Variants in METTL27 observed in about 807,000 individuals in gnomAD.
The protein encoded by METTL27 is methyltransferase-like protein 27.
A neutral mutation model predicts 24.5 loss-of-function variants in METTL27; 29 were observed. The ratio of observed to expected loss-of-function variants is 1.18; its 90% confidence interval spans 0.88 to 1.61. METTL27 has a LOEUF of 1.61. Ranked by LOEUF, METTL27 falls within the 40% of genes most tolerant of loss-of-function variation. METTL27 has a pLI of 0.00. For missense variants in METTL27, 341 were observed against 324.3 expected, an observed-to-expected ratio of 1.05 and a Z score of -0.40; for synonymous variants, 138 against 146.8, an observed-to-expected ratio of 0.94 and a Z score of 0.43.
At chr7:73,841,985 G>C (rs1788373012) in intron 2 of METTL27, 33 bp downstream of exon 2, 5 of 1,613,834 alleles carry the variant, frequency 3.1e-6, no homozygotes, top group African/African-American at 1.3e-5. Flanking sequence ...ATGGAGGCTG[G>C]TCTAGTGGAG....
chr7:73,842,342 G>T (rs1788389698), intron 1 of METTL27, 148 bp downstream of exon 1: 2 of 837,856 alleles, frequency 2.4e-6, no homozygotes, highest in South Asian at 4.6e-5. Flanking sequence ...CTGCAGGGCT[G>T]GGGGAAGGGC....
At position 73,842,448 on chromosome 7, in the gene METTL27, C is replaced by A. The variant is rs565926698; in HGVS notation, c.-5+42G>T. ...GAGAGGGTCGGAGGTGGGCGACATC[C>A]GGAGCGAAACGGTCTCGAAGGAGGC... On this transcript the variant is annotated intron_variant, in intron 1 of 5. Transcript: ENST00000297873. 1.6e-4 allele frequency: 55 copies of A among 345,930 alleles called. No homozygotes were observed. The East Asian group carries it at 3.1e-3, about 19-fold the overall frequency. The allele number at this position is 345,930 out of a possible 1,614,324, so 21.4% of individuals were successfully genotyped here. A position where few individuals can be genotyped will look rare whatever the true frequency, so the allele number is the denominator to read the frequency against.
intron 5 of METTL27, among the ~76,000 whole-genome samples, chr7:73,835,311 T>C: frequency 6.9e-6 from 1 of 143,922 alleles, no homozygotes; most frequent in Non-Finnish European, 1.5e-5. Flanking sequence ...CTCGGCTCAC[T>C]GCAACCTCCC....
chr7:73,840,746 A>G (rs782436222), intron 3 of METTL27, among the ~76,000 whole-genome samples, 197 bp from the exon 4 acceptor site: 1 of 151,956 alleles, frequency 6.6e-6, no homozygotes, highest in Non-Finnish European at 1.5e-5. Context: ...GCAGCCTTGA[A>G]CTTCCGGGCT....
At chr7:73,840,141 G>GAAAAGGAGGC in intron 4 of METTL27, 21 bp from the exon 5 acceptor site, 1 of 1,412,382 alleles carries the variant, frequency 7.1e-7, no homozygotes. Context: ...GTGGGGGGGG[G>GAAAAGGAGGC]TGGGGACATG....
chr7:73,839,206 C>G (rs1364999035), intron 5 of METTL27, among the ~76,000 whole-genome samples: 3 of 152,178 alleles, frequency 2.0e-5, no homozygotes, highest in African/African-American at 7.2e-5. Context: ...TCTCTTGAAC[C>G]TGGGAGGTGA....
intron 5 of METTL27, among the ~76,000 whole-genome samples, chr7:73,839,147 G>A (rs1477150402): frequency 6.6e-6 from 1 of 152,218 alleles, no homozygotes; most frequent in African/African-American, 2.4e-5. Context: ...GCTGGGTGTG[G>A]TGGTGGGCTC....
intron 2 of METTL27, 50 bp from the exon 3 acceptor site, chr7:73,841,248 G>T (rs1442154060): frequency 6.5e-7 from 1 of 1,537,964 alleles, no homozygotes; most frequent in Non-Finnish European, 8.7e-7. Flanking sequence ...GTGTTTGGGG[G>T]ATCTCCCTTA....
intron 2 of METTL27, 82 bp downstream of exon 2, chr7:73,841,936 C>T: frequency 6.2e-7 from 1 of 1,608,684 alleles, no homozygotes; most frequent in Non-Finnish European, 8.5e-7. Flanking sequence ...ACAGCCGCCC[C>T]CGGGTGCAAG....
Position 73,841,176 on chromosome 7 carries a change from C to G in METTL27, c.146G>C (p.Arg49Pro), listed in dbSNP as rs782806041. Residue 49 changes from arginine (R) to proline (P), a missense_variant, in exon 3 of 6, where the codon CGT becomes CCT. Coordinates refer to ENST00000297873, the MANE Select transcript of METTL27 (RefSeq NM_152559.3). ...YDQDVATLLY[R>P]APRLAVDCLT... ...GCAGTCCACTGCGAGGCGGGGCGCA[C>G]GGTACAGCAGGGTGGCCACATCCTG... 3 of 1,553,844 alleles carry G rather than the reference C, an allele frequency of 1.9e-6. No homozygotes were observed. The highest frequency in any genetic ancestry group is 2.6e-6 in the Non-Finnish European group (3 of 1,158,310).
intron 4 of METTL27, 84 bp from the exon 5 acceptor site, chr7:73,840,204 G>T: frequency 6.6e-7 from 1 of 1,503,782 alleles, no homozygotes; most frequent in South Asian, 1.3e-5. Flanking sequence ...ACCACCCTAG[G>T]GGTGGGACGA....
At chr7:73,836,516 A>T (rs565476981) in intron 5 of METTL27, among the ~76,000 whole-genome samples, 19 of 54,294 alleles carry the variant, frequency 3.5e-4, no homozygotes, top group African/African-American at 7.6e-4. Context: ...CAGCCGCCCC[A>T]TCCGGGAGGG....
Position 73,842,114 on chromosome 7 carries a change from C to T in METTL27, c.27G>A (p.Leu9=). The T allele has an allele frequency of 6.2e-7, 1 of 1,612,824 alleles. No individual in the cohort carries two copies. The highest frequency in any genetic ancestry group is 8.5e-7 in the Non-Finnish European group (1 of 1,179,862). Residue 9 remains leucine, a synonymous_variant, in exon 2 of 6, where the codon CTG becomes CTA. Transcript: ENST00000297873. The part of the protein sequence containing the change: MAQEEGGS[L]PEVRARVRAA... ...CCCTGACCCGCGCCCGCACCTCGGG[C>T]AGGCTCCCACCCTCCTCCTGGGCCA...
chr7:73,835,503 G>C (rs868950496), intron 5 of METTL27, among the ~76,000 whole-genome samples: 14,585 of 85,578 alleles, frequency 0.17, no homozygotes, highest in Non-Finnish European at 0.23. Flanking sequence ...ATGGAGTCTC[G>C]TTCACTCAGT....
chr7:73,841,254 C>T, intron 2 of METTL27, 56 bp from the exon 3 acceptor site: 1 of 1,528,254 alleles, frequency 6.5e-7, no homozygotes, highest in Non-Finnish European at 8.7e-7. Flanking sequence ...GGGGGATCTC[C>T]CTTATGGGGT....
chr7:73,836,545 C>T (rs1195374991), intron 5 of METTL27, among the ~76,000 whole-genome samples: 1 of 33,146 alleles, frequency 3.0e-5, no homozygotes. Context: ...GGGTCAGCCC[C>T]CTGCCCGGCC....
At chr7:73,842,197 TC>T in intron 1 of METTL27, 53 bp from the exon 2 acceptor site, 1 of 1,556,070 alleles carries the variant, frequency 6.4e-7, no homozygotes. Flanking sequence ...GCCCATCCCC[TC>T]CTTTCCCCCT....
At position 73,840,108 on chromosome 7, in the gene METTL27, G is replaced by A. The variant is rs980702144; in HGVS notation, c.401C>T (p.Ala134Val). ...ACTGAGGGCACCGACTATCAGCACC[G>A]CGTCGAAGGTCCCTGTGTGTGTGTG... Reference protein sequence around the residue: ...PLPSPEGTFDAVLIVGALSDG... With the variant: ...PLPSPEGTFDVVLIVGALSDG... Residue 134 changes from alanine (A) to valine (V), a missense_variant, in exon 5 of 6, where the codon GCG becomes GTG. Ala to Val is a moderately conservative substitution (Grantham distance 64, BLOSUM62 0). Transcript: ENST00000297873. The A allele has an allele frequency of 2.4e-5, 38 of 1,584,994 alleles. No homozygotes were observed. Among genetic ancestry groups the A allele is most frequent in the Non-Finnish European group, 3.0e-5 (35 of 1,165,230 alleles).
At chr7:73,836,152 G>A (rs1191103137) in intron 5 of METTL27, among the ~76,000 whole-genome samples, 4 of 110,088 alleles carry the variant, frequency 3.6e-5, no homozygotes, top group East Asian at 2.9e-4. Context: ...CCCCCTGCCC[G>A]GCCAGCCGCC....
Sources: allele counts gnomAD v4.1 joint callset (sites outside exome capture counted in the v4.1 genomes callset), GRCh38; gene constraint gnomAD v4.1.1; transcripts MANE v1.5; gene names NCBI Gene and HGNC (gene_info 2026-07-23, HGNC 2026-07-21).